The following RAB10 variants were observed in gnomAD, a reference collection of about 807,000 sequenced individuals.
RAB10 encodes RAB10, member RAS oncogene family, also known as ras-related protein Rab-10.
RAB10 carries 5 observed loss-of-function variants against 25.7 expected under a neutral mutation model. The observed-to-expected ratio is 0.19, with a 90% CI of 0.10 to 0.41. The LOEUF is 0.41. Among genes scored for constraint, RAB10 ranks in the 10% least tolerant of loss-of-function variants. The pLI is 1.00. For missense variants in RAB10, 103 were observed against 245.8 expected (o/e 0.42, Z 3.89); for synonymous variants, 89 against 86.4 (o/e 1.03, Z -0.16).
chr2:26,036,546 C>T (rs1425657018), intron 1 of RAB10, among the ~76,000 whole-genome samples: 1 of 151,876 alleles, frequency 6.6e-6, no homozygotes, highest in Admixed American at 6.6e-5. Flanking sequence ...GTAGTCCCAG[C>T]TACTCAGGAG....
At chr2:26,071,289 AC>A (rs1666620691) in intron 1 of RAB10, among the ~76,000 whole-genome samples, 1 of 152,230 alleles carries the variant, frequency 6.6e-6, no homozygotes, top group Non-Finnish European at 1.5e-5. Flanking sequence ...CCTTGAAAGA[AC>A]AACTGGCAAA....
chr2:26,038,894 C>T (rs1259884100), intron 1 of RAB10, among the ~76,000 whole-genome samples: 1 of 134,880 alleles, frequency 7.4e-6, no homozygotes, highest in African/African-American at 2.8e-5. Flanking sequence ...TACTGCACTT[C>T]AGCCTGGGCA....
intron 1 of RAB10, among the ~76,000 whole-genome samples, chr2:26,054,357 T>C (rs1666204990): frequency 6.6e-6 from 1 of 152,010 alleles, no homozygotes; most frequent in Admixed American, 6.6e-5. Context: ...CCCGGCCTAA[T>C]GTTTGTATTT....
At chr2:26,061,790 G>A (rs1666401072) in intron 1 of RAB10, among the ~76,000 whole-genome samples, 1 of 115,768 alleles carries the variant, frequency 8.6e-6, no homozygotes, top group Admixed American at 1.3e-4. Flanking sequence ...AGAATGTCAC[G>A]CTGTCACTCA....
chr2:26,129,010 C>T (rs940749497), intron 5 of RAB10, among the ~76,000 whole-genome samples: 3 of 152,120 alleles, frequency 2.0e-5, no homozygotes, highest in South Asian at 2.1e-4. Context: ...CGGTGGCTCA[C>T]GTCTATAATC....
At chr2:26,059,838 C>T (rs755278084) in intron 1 of RAB10, among the ~76,000 whole-genome samples, 9 of 150,894 alleles carry the variant, frequency 6.0e-5, no homozygotes, top group Non-Finnish European at 1.2e-4. Context: ...ATACGTTTCA[C>T]AACACTGAAA....
rs986080154 is a variant in RAB10, at chr2:26,123,208, A to T, written c.328-3936A>T. ...CCTTGCCATTATGGGACAGCCCTTT[A>T]AAGTTCTTTTGATGTTGGACAGTGC... On this transcript the variant is annotated intron_variant, in intron 3 of 5. Transcript: ENST00000264710. 5.3e-5 allele frequency among the ~76,000 whole-genome samples: 8 copies of T among 152,306 alleles called. No individual in the cohort carries two copies. In the East Asian group the frequency reaches 1.3e-3, roughly 26 times the overall value.
intron 3 of RAB10, among the ~76,000 whole-genome samples, chr2:26,118,321 C>T (rs1667735182): frequency 6.7e-6 from 1 of 149,260 alleles, no homozygotes; most frequent in African/African-American, 2.5e-5. Context: ...CCCCTCCTCC[C>T]CCTTTTTTTT....
chr2:26,047,941 G>A (rs1666050876), intron 1 of RAB10, among the ~76,000 whole-genome samples: 1 of 151,274 alleles, frequency 6.6e-6, no homozygotes, highest in Non-Finnish European at 1.5e-5. Context: ...GACCAGACTG[G>A]TCTTGAACTC....
intron 3 of RAB10, among the ~76,000 whole-genome samples, chr2:26,118,451 G>T (rs1254629726): frequency 6.6e-6 from 1 of 151,598 alleles, no homozygotes; most frequent in Non-Finnish European, 1.5e-5. Flanking sequence ...GGGTGGGGTG[G>T]GGGTGGGGAA....
At chr2:26,066,086 T>G in intron 1 of RAB10, among the ~76,000 whole-genome samples, 1 of 151,084 alleles carries the variant, frequency 6.6e-6, no homozygotes, top group South Asian at 2.1e-4. Context: ...GAGTTAACTT[T>G]CAAAAGCTTT....
chr2:26,079,982 G>A (rs911213425), intron 1 of RAB10, among the ~76,000 whole-genome samples: 3 of 152,126 alleles, frequency 2.0e-5, no homozygotes, highest in Admixed American at 6.6e-5. Flanking sequence ...CTTAATAAAA[G>A]GAACTAGGGC....
intron 1 of RAB10, among the ~76,000 whole-genome samples, chr2:26,036,456 C>T (rs1044427507): frequency 2.0e-5 from 3 of 152,018 alleles, no homozygotes; most frequent in African/African-American, 7.2e-5. Flanking sequence ...GTCGGGAGGT[C>T]AAGACCAGTT....
intron 3 of RAB10, among the ~76,000 whole-genome samples, chr2:26,126,846 C>G (rs746468934): frequency 1.9e-4 from 29 of 152,184 alleles, no homozygotes; most frequent in Non-Finnish European, 3.5e-4. Flanking sequence ...TTAGATTATG[C>G]AAGTTTCTTT....
intron 1 of RAB10, among the ~76,000 whole-genome samples, chr2:26,065,762 A>G (rs1666500460): frequency 6.6e-6 from 1 of 152,204 alleles, no homozygotes; most frequent in Admixed American, 6.5e-5. Context: ...CATCTTGATC[A>G]CAGATTTTAT....
intron 3 of RAB10, among the ~76,000 whole-genome samples, chr2:26,126,795 G>A (rs183503228): frequency 1.3e-5 from 2 of 152,174 alleles, no homozygotes; most frequent in Non-Finnish European, 1.5e-5. Context: ...GCTTCTATAG[G>A]GTAGTATGCA....
intron 1 of RAB10, among the ~76,000 whole-genome samples, chr2:26,063,792 G>A (rs753177408): frequency 4.9e-4 from 75 of 152,088 alleles, no homozygotes; most frequent in Non-Finnish European, 9.4e-4. Context: ...TTCACAATTT[G>A]TTTTCTCACC....
intron 1 of RAB10, among the ~76,000 whole-genome samples, chr2:26,035,823 G>A (rs969911067): frequency 6.6e-6 from 1 of 152,318 alleles, no homozygotes; most frequent in Non-Finnish European, 1.5e-5. Context: ...GAAACAGTTT[G>A]TATAGCGTAA....
intron 1 of RAB10, among the ~76,000 whole-genome samples, chr2:26,080,020 TG>T (rs1292688423): frequency 6.6e-6 from 1 of 152,146 alleles, no homozygotes; most frequent in Non-Finnish European, 1.5e-5. Flanking sequence ...ATTTCAGAGC[TG>T]GGGTAGGAGA....
Sources: allele counts gnomAD v4.1 joint callset (sites outside exome capture counted in the v4.1 genomes callset), GRCh38; gene constraint gnomAD v4.1.1; transcripts MANE v1.5; gene names NCBI Gene and HGNC (gene_info 2026-07-23, HGNC 2026-07-21).